Variants in CCDC148 observed in about 807,000 individuals in gnomAD.
CCDC148 encodes coiled-coil domain-containing protein 148.
In CCDC148, 89 loss-of-function variants were observed where a neutral mutation model predicts 85.7. The ratio of observed to expected loss-of-function variants is 1.04; its 90% CI spans 0.87 to 1.24. The LOEUF is 1.24. CCDC148 is among the 50% of genes most tolerant of loss of function. The probability of loss-of-function intolerance (pLI) is 0.00; values close to 1 mark genes in which losing one functional copy is unlikely to be tolerated. For synonymous variants in CCDC148, 230 were observed against 213.9 expected, an observed-to-expected ratio of 1.08 and a Z score of -0.66; for missense variants, 692 against 671.7, an observed-to-expected ratio of 1.03 and a Z score of -0.33.
At chr2:158,381,901 T>C (rs1364757902) in intron 1 of CCDC148, among the ~76,000 whole-genome samples, 1 of 152,094 alleles carries the variant, frequency 6.6e-6, no homozygotes, top group African/African-American at 2.4e-5. Context: ...GTCTGAATGT[T>C]GGTGTTTCAT....
chr2:158,234,175 CA>C (rs924254801), intron 10 of CCDC148, among the ~76,000 whole-genome samples: 56 of 139,898 alleles, frequency 4.0e-4, no homozygotes, highest in East Asian at 6.2e-4. Context: ...GACTCCATCT[CA>C]AAAAAAAAAA....
intron 13 of CCDC148, among the ~76,000 whole-genome samples, chr2:158,173,907 T>C (rs142903374): frequency 1.3e-5 from 2 of 152,090 alleles, no homozygotes; most frequent in Non-Finnish European, 1.5e-5. Flanking sequence ...AATTTTTGCA[T>C]AGCTAGAGAG....
chr2:158,439,462 A>G (rs1464098142), intron 1 of CCDC148, among the ~76,000 whole-genome samples: 1 of 152,128 alleles, frequency 6.6e-6, no homozygotes, highest in Non-Finnish European at 1.5e-5. Context: ...AACGTCACAC[A>G]CCGAGGCCTG....
At chr2:158,285,532 T>C (rs532984270) in intron 9 of CCDC148, among the ~76,000 whole-genome samples, 1 of 149,636 alleles carries the variant, frequency 6.7e-6, no homozygotes, top group Non-Finnish European at 1.5e-5. Context: ...ATAAGGTAAC[T>C]ACTTTTTTTT....
chr2:158,182,109 C>T (rs1476119571), intron 11 of CCDC148, among the ~76,000 whole-genome samples: 1 of 152,078 alleles, frequency 6.6e-6, no homozygotes, highest in Non-Finnish European at 1.5e-5. Flanking sequence ...TGGGAACTCA[C>T]ATGAGAAACA....
At chr2:158,417,537 C>T (rs1049993592) in intron 1 of CCDC148, among the ~76,000 whole-genome samples, 1 of 152,224 alleles carries the variant, frequency 6.6e-6, no homozygotes, top group African/African-American at 2.4e-5. Flanking sequence ...GGGGACTCCA[C>T]ATCAGCTTGG....
chr2:158,172,294 C>T (rs1344235562), intron 13 of CCDC148, 35 bp from the exon 14 acceptor site: 1 of 1,461,560 alleles, frequency 6.8e-7, no homozygotes, highest in East Asian at 2.4e-5. Context: ...AATAACAATT[C>T]ATTGAACTAA....
chr2:158,347,719 A>AC (rs1324155854), intron 2 of CCDC148, among the ~76,000 whole-genome samples: 1 of 152,106 alleles, frequency 6.6e-6, no homozygotes, highest in Non-Finnish European at 1.5e-5. Context: ...CTAAATAGGT[A>AC]CCTTGAAATA....
chr2:158,200,232 T>C (rs1361800603), intron 11 of CCDC148, among the ~76,000 whole-genome samples: 1 of 152,212 alleles, frequency 6.6e-6, no homozygotes, highest in Non-Finnish European at 1.5e-5. Flanking sequence ...TTTTTTCCCA[T>C]GATATTAAGT....
At chr2:158,239,010 C>T (rs916303714) in intron 10 of CCDC148, among the ~76,000 whole-genome samples, 1 of 152,034 alleles carries the variant, frequency 6.6e-6, no homozygotes, top group African/African-American at 2.4e-5. Context: ...CCCCTATGTG[C>T]CTCAGTTTCT....
intron 1 of CCDC148, among the ~76,000 whole-genome samples, chr2:158,416,328 A>G (rs1187545541): frequency 2.6e-5 from 4 of 152,176 alleles, no homozygotes; most frequent in African/African-American, 9.6e-5. Context: ...CTTGGCTATT[A>G]ACATTTGGCT....
At position 158,340,365 on chromosome 2, in the gene CCDC148, T is replaced by G. The variant is rs1177583544; in HGVS notation, c.363A>C (p.Thr121=). ...TAGGATTTATTACATTTTTAAGATA[T>G]GTGCACTGTTGTTCTGATAGCTCTT... The part of the protein sequence containing the change: ...FEQELSEQQC[T]YLKNVINPIQ... The change falls in exon 5 of 14, where the codon ACA becomes ACC. Residue 121 remains threonine (T), a synonymous_variant. Coordinates refer to ENST00000283233, the MANE Select transcript of CCDC148 (RefSeq NM_138803.4). 6.2e-7 allele frequency: 1 copy of G among 1,613,928 alleles called. No individual in the cohort carries two copies. The highest frequency in any genetic ancestry group is 8.5e-7 in the Non-Finnish European group (1 of 1,179,922).
At chr2:158,222,470 T>TTCTC (rs369654189) in intron 10 of CCDC148, among the ~76,000 whole-genome samples, 4 of 148,240 alleles carry the variant, frequency 2.7e-5, no homozygotes, top group Admixed American at 6.7e-5. Context: ...CTCTCTCTCT[T>TTCTC]TCTCTCTCTC....
In CCDC148 at chr2:158,190,200, G is replaced by A. The variant is rs2105272031; in HGVS notation, c.1371-11204C>T. Among the ~76,000 whole-genome samples, 3 of 151,978 alleles carry A rather than the reference G, an allele frequency of 2.0e-5. No homozygotes were observed. The Middle Eastern group carries it at 0.01, about 517-fold the overall frequency. The stretch of plus-strand genomic sequence containing the variant: ...AATGCTAAAAGCCAAACTGAGGCAT[G>A]ACATCCACGACCATGATACAGACTT... On this transcript the variant is annotated intron_variant, in intron 11 of 13. Coordinates refer to ENST00000283233, the MANE Select transcript of CCDC148 (RefSeq NM_138803.4).
intron 7 of CCDC148, among the ~76,000 whole-genome samples, chr2:158,321,336 G>A (rs1033662739): frequency 6.6e-6 from 1 of 152,160 alleles, no homozygotes; most frequent in African/African-American, 2.4e-5. Flanking sequence ...AATGGGAGCT[G>A]CAGTGACCCA....
intron 1 of CCDC148, among the ~76,000 whole-genome samples, chr2:158,426,462 AAAGGT>A (rs1574800750): frequency 1.3e-5 from 2 of 152,180 alleles, no homozygotes; most frequent in East Asian, 3.9e-4. Context: ...GAATAGTGCA[AAAGGT>A]AAGTCTTAGA....
rs34298886 is a variant in CCDC148 at position 158,358,550 on chromosome 2, T to G, written c.46A>C (p.Lys16Gln). Reference sequence around the variant, plus strand: ...TACTTGATGTTTCTCATCTCATTTTTCATATGGAATACCAGATTATCTATT... The same window carrying G: ...TACTTGATGTTTCTCATCTCATTTTGCATATGGAATACCAGATTATCTATT... ...ASPDNLVFHMKNEMRNIKYKP... is the reference protein window; with the variant it reads ...ASPDNLVFHMQNEMRNIKYKP... Residue 16 changes from lysine to glutamine, a missense_variant, in exon 2 of 14, where the codon AAA (lysine) becomes CAA (glutamine). Lys to Gln is a moderately conservative substitution (Grantham distance 53). Transcript: ENST00000283233. 408 of 1,584,926 alleles carry G rather than the reference T, an allele frequency of 2.6e-4. No individual in the cohort carries two copies. Among genetic ancestry groups the G allele is most frequent in the Non-Finnish European group, 3.4e-4 (395 of 1,164,918 alleles).
chr2:158,402,532 A>C (rs1048959420), intron 1 of CCDC148, among the ~76,000 whole-genome samples: 2 of 152,024 alleles, frequency 1.3e-5, no homozygotes, highest in Admixed American at 1.3e-4. Context: ...TCCCAGCTAC[A>C]GATCAGAGTA....
chr2:158,426,040 A>G (rs1445219007), intron 1 of CCDC148, among the ~76,000 whole-genome samples: 1 of 152,050 alleles, frequency 6.6e-6, no homozygotes, highest in Non-Finnish European at 1.5e-5. Flanking sequence ...TTTACATGCA[A>G]TTATAATCAT....
Sources: gnomAD v4.1 joint callset for allele counts (sites outside exome capture counted in the v4.1 genomes callset) on GRCh38, gnomAD v4.1.1 for gene constraint, MANE v1.5 for transcripts, NCBI Gene and HGNC (gene_info 2026-07-23, HGNC 2026-07-21) for gene names.